Variants in MYO1D observed in about 807,000 individuals in gnomAD.
MYO1D encodes the protein unconventional myosin-Id.
A neutral mutation model predicts 122.0 loss-of-function variants in MYO1D; 83 were observed. The ratio of observed to expected loss-of-function variants is 0.68; its 90% CI spans 0.57 to 0.82. The LOEUF is 0.82. Among genes scored for constraint, MYO1D ranks in the 40% least tolerant of loss-of-function variants. The pLI is 0.00. For missense variants in MYO1D, 1,157 were observed against 1,269.5 expected, an observed-to-expected ratio of 0.91 and a Z score of 1.35; for synonymous variants, 464 against 446.9, an observed-to-expected ratio of 1.04 and a Z score of -0.48.
chr17:32,526,677 GA>G (rs1208646854), intron 21 of MYO1D, among the ~76,000 whole-genome samples: 3 of 151,430 alleles, frequency 2.0e-5, no homozygotes, highest in Non-Finnish European at 4.4e-5. Flanking sequence ...TTTTGAGACA[GA>G]ATCTTGCTGT....
intron 20 of MYO1D, among the ~76,000 whole-genome samples, chr17:32,605,973 G>A (rs757026940): frequency 1.3e-5 from 2 of 151,712 alleles, no homozygotes; most frequent in Non-Finnish European, 2.9e-5. Flanking sequence ...GGAGGCGTGC[G>A]CCTGTAGTCC....
chr17:32,693,280 C>A (rs1410091510), intron 16 of MYO1D, among the ~76,000 whole-genome samples: 1 of 149,844 alleles, frequency 6.7e-6, no homozygotes, highest in Non-Finnish European at 1.5e-5. Flanking sequence ...TTTTTCCTAT[C>A]ACCACCTATA....
chr17:32,522,343 A>C (rs990228582), intron 21 of MYO1D, among the ~76,000 whole-genome samples: 4 of 152,200 alleles, frequency 2.6e-5, no homozygotes, highest in African/African-American at 9.7e-5. Flanking sequence ...TCAGGGTTAT[A>C]ATGAAAGCCT....
Position 32,604,529 on chromosome 17 carries a change from T to C in MYO1D, c.2864+558A>G, listed in dbSNP as rs777238374. 2.7e-4 allele frequency among the ~76,000 whole-genome samples: 41 copies of C among 152,204 alleles called. 1 individual carries two copies. The highest frequency in any genetic ancestry group is 4.8e-4 in the Non-Finnish European group (33 of 68,044). The stretch of plus-strand genomic sequence containing the variant: ...CCCATCACTCTCAGGACCTGCTCTC[T>C]GTTTATATTTATTATATCATTGTTC... On this transcript the variant is annotated intron_variant, in intron 21 of 21. Transcript: ENST00000318217.
At chr17:32,875,710 G>C (rs779155463) in intron 1 of MYO1D, among the ~76,000 whole-genome samples, 3 of 152,114 alleles carry the variant, frequency 2.0e-5, no homozygotes, top group Non-Finnish European at 4.4e-5. Context: ...CCTGTCAACT[G>C]GATTGACAGG....
At chr17:32,693,706 T>C (rs921036301) in intron 16 of MYO1D, among the ~76,000 whole-genome samples, 1 of 152,206 alleles carries the variant, frequency 6.6e-6, no homozygotes, top group Non-Finnish European at 1.5e-5. Context: ...AATCATCTGC[T>C]TCCAACTTAC....
chr17:32,838,005 G>A (rs2090844338), intron 1 of MYO1D, among the ~76,000 whole-genome samples: 1 of 151,628 alleles, frequency 6.6e-6, no homozygotes, highest in African/African-American at 2.4e-5. Context: ...TATATTTACT[G>A]CAATCATTTC....
Position 32,756,576 on chromosome 17 carries a change from G to GA in MYO1D, c.1297-915dup, listed in dbSNP as rs778773183. On this transcript the variant is annotated intron_variant, in intron 10 of 21. Transcript: ENST00000318217. The stretch of plus-strand genomic sequence containing the variant: ...TGTTAAATAAACTCCACTTAAAACG[G>GA]AAAAAAAAAAAAAAGAACTTGCATT... Among the ~76,000 whole-genome samples the GA allele has an allele frequency of 4.7e-3, 567 of 120,532 alleles. 4 individuals are homozygous for GA. The highest frequency in any genetic ancestry group is 9.3e-3 in the African/African-American group (305 of 32,640). The allele number at this position is 120,532 out of a possible 152,430, so 79.1% of individuals were successfully genotyped here.
intron 20 of MYO1D, among the ~76,000 whole-genome samples, chr17:32,633,766 T>C (rs548822060): frequency 2.0e-5 from 3 of 152,070 alleles, no homozygotes; most frequent in Admixed American, 6.6e-5. Flanking sequence ...TAAAATACTT[T>C]CCACCAAGTA....
chr17:32,664,386 G>A (rs1250888153), intron 16 of MYO1D, among the ~76,000 whole-genome samples: 1 of 152,174 alleles, frequency 6.6e-6, no homozygotes, highest in African/African-American at 2.4e-5. Flanking sequence ...GCTTACGTTT[G>A]TAAAGGACTG....
chr17:32,795,908 C>T (rs1030644464), intron 1 of MYO1D, among the ~76,000 whole-genome samples: 1 of 151,976 alleles, frequency 6.6e-6, no homozygotes, highest in African/African-American at 2.4e-5. Context: ...GGCCTCAGCC[C>T]GCCTGCACCC....
At chr17:32,791,719 T>C (rs992185169) in intron 1 of MYO1D, among the ~76,000 whole-genome samples, 22 of 152,202 alleles carry the variant, frequency 1.4e-4, no homozygotes, top group African/African-American at 5.3e-4. Flanking sequence ...TTTGAAATTA[T>C]ATCAAAATTA....
chr17:32,734,308 T>C (rs2089671487), intron 14 of MYO1D, among the ~76,000 whole-genome samples: 1 of 152,186 alleles, frequency 6.6e-6, no homozygotes, highest in African/African-American at 2.4e-5. Flanking sequence ...CATAATATTC[T>C]GATACTTTAA....
intron 1 of MYO1D, chr17:32,863,115 T>G (rs1421966939): frequency 3.3e-5 from 5 of 152,214 alleles, no homozygotes; most frequent in African/African-American, 1.2e-4. Flanking sequence ...AGTAACAGAT[T>G]CTGCCAATAG....
At chr17:32,681,229 G>T (rs1388333901) in intron 16 of MYO1D, among the ~76,000 whole-genome samples, 1 of 151,516 alleles carries the variant, frequency 6.6e-6, no homozygotes, top group Non-Finnish European at 1.5e-5. Context: ...TTTTTCGAAG[G>T]GTTTTTTATG....
intron 19 of MYO1D, among the ~76,000 whole-genome samples, chr17:32,647,314 C>T (rs1194489044): frequency 1.3e-5 from 2 of 152,148 alleles, no homozygotes; most frequent in South Asian, 2.1e-4. Context: ...TTTACGCTGG[C>T]GTAGCCTTGG....
intron 21 of MYO1D, among the ~76,000 whole-genome samples, chr17:32,559,822 A>T (rs968087532): frequency 6.6e-6 from 1 of 152,122 alleles, no homozygotes; most frequent in Admixed American, 6.5e-5. Context: ...TTGTAATTTA[A>T]ATCAATTATA....
chr17:32,679,201 T>C (rs963406577), intron 16 of MYO1D, among the ~76,000 whole-genome samples: 79 of 150,696 alleles, frequency 5.2e-4, no homozygotes, highest in African/African-American at 1.8e-3. Context: ...TTCTCCCATT[T>C]TGTAGGTTGC....
At chr17:32,602,516 T>C (rs1366300262) in intron 21 of MYO1D, 2 of 152,212 alleles carry the variant, frequency 1.3e-5, no homozygotes, top group Non-Finnish European at 2.9e-5. Flanking sequence ...TCCCCCCTAC[T>C]GAGGCAAAAC....
Sources: allele counts gnomAD v4.1 joint callset (sites outside exome capture counted in the v4.1 genomes callset), GRCh38; gene constraint gnomAD v4.1.1; transcripts MANE v1.5; gene names NCBI Gene and HGNC (gene_info 2026-07-23, HGNC 2026-07-21).